The following ATP6V0E1 variants were observed in gnomAD, a reference collection of about 807,000 sequenced individuals.
ATP6V0E1 encodes ATPase H+ transporting V0 subunit e1.
In ATP6V0E1, 4 loss-of-function variants were observed where a neutral mutation model predicts 11.6. The ratio of observed to expected loss-of-function variants is 0.35; its 90% CI spans 0.17 to 0.79. ATP6V0E1 has a LOEUF of 0.79. Ranked by LOEUF, ATP6V0E1 falls within the 30% of genes least tolerant of loss-of-function variation. ATP6V0E1 has a pLI of 0.54. For missense variants in ATP6V0E1, 105 were observed against 100.0 expected, an observed-to-expected ratio of 1.05 and a Z score of -0.21; for synonymous variants, 36 against 34.8, an observed-to-expected ratio of 1.04 and a Z score of -0.13.
At chr5:173,023,007 G>A (rs1172977221) in intron 3 of ATP6V0E1, among the ~76,000 whole-genome samples, 3 of 151,654 alleles carry the variant, frequency 2.0e-5, no homozygotes, top group Non-Finnish European at 4.4e-5. Flanking sequence ...CTGCAGGCAC[G>A]CAGCACCACG....
In ATP6V0E1 at chr5:172,989,530, A is replaced by ATT. The variant is rs554701143; in HGVS notation, c.105-5232_105-5231dup. On this transcript the variant is annotated intron_variant, in intron 1 of 3. Coordinates refer to ENST00000519374, the MANE Select transcript of ATP6V0E1 (RefSeq NM_003945.4). ...TCCTTTATTTATCTCCTTACTGAAG[A>ATT]TTTTTTTTTTTTTTGAGACCTAGTC... Among the ~76,000 whole-genome samples, 495 of 144,588 alleles carry ATT rather than the reference A, an allele frequency of 3.4e-3. 4 individuals carry two copies. The highest frequency in any genetic ancestry group is 0.012 in the African/African-American group (460 of 39,584). 94.9% of individuals were successfully genotyped at this position (144,588 alleles called of 152,430 possible).
At chr5:173,029,690 G>A (rs1756618581) in intron 3 of ATP6V0E1, among the ~76,000 whole-genome samples, 1 of 152,108 alleles carries the variant, frequency 6.6e-6, no homozygotes, top group Non-Finnish European at 1.5e-5. Context: ...TTTCTGTTTT[G>A]TTTTGTTTAA....
chr5:172,989,256 T>C (rs949870503), intron 1 of ATP6V0E1, among the ~76,000 whole-genome samples: 1 of 152,126 alleles, frequency 6.6e-6, no homozygotes, highest in Admixed American at 6.5e-5. Flanking sequence ...GGTGGATTGT[T>C]TGAGCCCAGG....
At chr5:173,033,528 G>A (rs1756697149) in intron 3 of ATP6V0E1, among the ~76,000 whole-genome samples, 1 of 152,022 alleles carries the variant, frequency 6.6e-6, no homozygotes, top group African/African-American at 2.4e-5. Context: ...TTGGCCTGAT[G>A]TTGTTTTCCT....
At chr5:173,007,963 G>T (rs923770697) in intron 2 of ATP6V0E1, among the ~76,000 whole-genome samples, 2 of 152,192 alleles carry the variant, frequency 1.3e-5, no homozygotes, top group Non-Finnish European at 2.9e-5. Context: ...ATGTGGAGAG[G>T]GTTCTGAAGT....
At chr5:173,021,437 C>T (rs776358276) in intron 3 of ATP6V0E1, among the ~76,000 whole-genome samples, 10 of 152,098 alleles carry the variant, frequency 6.6e-5, no homozygotes, top group East Asian at 1.9e-4. Context: ...CAAAAGGGGT[C>T]TCCCCTTATA....
chr5:172,986,664 A>G (rs1049281863), intron 1 of ATP6V0E1: 27 of 441,412 alleles, frequency 6.1e-5, no homozygotes, highest in Non-Finnish European at 9.9e-5. Context: ...AGTCTGGGGA[A>G]GAGGCTGCAG....
intron 1 of ATP6V0E1, 87 bp from the exon 2 acceptor site, chr5:172,994,688 A>C: frequency 9.0e-7 from 1 of 1,107,946 alleles, no homozygotes; most frequent in Non-Finnish European, 1.3e-6. Context: ...CCAGTTTGAT[A>C]ATCTGGAAAG....
chr5:173,018,016 G>T (rs1412217678), intron 2 of ATP6V0E1, among the ~76,000 whole-genome samples: 2 of 151,988 alleles, frequency 1.3e-5, no homozygotes, highest in African/African-American at 4.8e-5. Context: ...GCCCACCAAT[G>T]AAAGAAATTC....
At chr5:173,006,041 A>T (rs1056784432) in intron 2 of ATP6V0E1, among the ~76,000 whole-genome samples, 1 of 152,180 alleles carries the variant, frequency 6.6e-6, no homozygotes, top group Non-Finnish European at 1.5e-5. Context: ...ATTTGTGTGC[A>T]GTTGAAAAGA....
rs1325774907 is a variant in ATP6V0E1 at position 172,983,928 on chromosome 5, T to C, written c.68T>C (p.Leu23Ser). The change falls in exon 1 of 4, where the codon TTG (leucine) becomes TCG (serine). Residue 23 changes from leucine (L) to serine (S), a missense_variant. Transcript: ENST00000519374. ...MSVFWGFVGF[L>S]VPWFIPKGPN... ...GTGTTCTGGGGCTTCGTCGGCTTCT[T>C]GGTGCCTTGGTTCATCCCTAAGGGT... The C allele has an allele frequency of 6.2e-7, 1 of 1,613,178 alleles. No individual in the cohort carries two copies. The highest frequency in any genetic ancestry group is 8.5e-7 in the Non-Finnish European group (1 of 1,179,812).
intron 2 of ATP6V0E1, among the ~76,000 whole-genome samples, chr5:173,006,757 A>G (rs1425931330): frequency 1.3e-5 from 2 of 152,014 alleles, no homozygotes; most frequent in African/African-American, 2.4e-5. Flanking sequence ...AAAGCAACCT[A>G]TGGTCACCTT....
intron 2 of ATP6V0E1, among the ~76,000 whole-genome samples, chr5:173,007,382 G>A (rs1288447043): frequency 2.0e-5 from 3 of 152,132 alleles, no homozygotes; most frequent in Non-Finnish European, 2.9e-5. Flanking sequence ...TTCCTTGCTG[G>A]CTATTAGTTG....
chr5:173,018,366 A>G (rs1284643514), intron 2 of ATP6V0E1, among the ~76,000 whole-genome samples: 1 of 152,050 alleles, frequency 6.6e-6, no homozygotes, highest in Non-Finnish European at 1.5e-5. Flanking sequence ...GAGGAGGAGG[A>G]AGAAGAGGGC....
intron 3 of ATP6V0E1, among the ~76,000 whole-genome samples, chr5:173,032,238 C>CTTTACTTTTA (rs1554120250): frequency 3.3e-4 from 40 of 122,804 alleles, no homozygotes; most frequent in South Asian, 8.3e-4. Context: ...TGCACATTTA[C>CTTTACTTTTA]TTTTATTTTA....
intron 3 of ATP6V0E1, among the ~76,000 whole-genome samples, chr5:173,030,441 G>GT (rs60654421): frequency 0.012 from 1,516 of 127,500 alleles, 12 homozygotes; most frequent in African/African-American, 0.026. Flanking sequence ...TCAGTTTTTT[G>GT]TTTTTTTTTT....
intron 1 of ATP6V0E1, among the ~76,000 whole-genome samples, chr5:172,991,331 T>C (rs1755974631): frequency 6.6e-6 from 1 of 152,198 alleles, no homozygotes; most frequent in Non-Finnish European, 1.5e-5. Context: ...AGACCAAGCA[T>C]ATTAGGAGCT....
At chr5:173,025,504 CTTTTTTTTTTTTTTTTT>C (rs60822937) in intron 3 of ATP6V0E1, among the ~76,000 whole-genome samples, 2 of 65,570 alleles carry the variant, frequency 3.1e-5, no homozygotes, top group Admixed American at 1.7e-4. Context: ...ATATAAAATA[CTTTTTTTTTTTTTTTTT>C]TTTTTTTTTT....
intron 3 of ATP6V0E1, among the ~76,000 whole-genome samples, chr5:173,023,971 T>C (rs1419624251): frequency 1.3e-5 from 2 of 151,272 alleles, no homozygotes; most frequent in Admixed American, 1.3e-4. Context: ...GCAAGGCGAG[T>C]GGGTCATGAG....
Sources: gnomAD v4.1 joint callset for allele counts (sites outside exome capture counted in the v4.1 genomes callset) on GRCh38, gnomAD v4.1.1 for gene constraint, MANE v1.5 for transcripts, NCBI Gene and HGNC (gene_info 2026-07-23, HGNC 2026-07-21) for gene names.